The following KCNMA1 variants were observed in gnomAD, a reference collection of about 807,000 sequenced individuals.
KCNMA1 encodes the protein potassium calcium-activated channel subfamily M alpha 1.
In KCNMA1, 29 loss-of-function variants were observed where a neutral mutation model predicts 140.0. The observed-to-expected ratio is 0.21, with a 90% CI of 0.15 to 0.28. The LOEUF (loss-of-function observed/expected upper bound fraction) is 0.28, where lower values mean the gene tolerates loss of function less well. Among genes scored for constraint, KCNMA1 ranks in the 10% least tolerant of loss-of-function variants. The pLI, the probability that KCNMA1 is intolerant of heterozygous loss-of-function variation, is 1.00. For missense variants in KCNMA1, 880 were observed against 1,602.2 expected (o/e 0.55, Z 7.70); for synonymous variants, 612 against 611.9 (o/e 1.00, Z 0.00).
chr10:77,302,485 C>T (rs1168855834), intron 2 of KCNMA1, among the ~76,000 whole-genome samples: 1 of 152,142 alleles, frequency 6.6e-6, no homozygotes, highest in Non-Finnish European at 1.5e-5. Context: ...CTGACTACTC[C>T]GGTGCAGATC....
chr10:77,589,121 C>T (rs1257338494), intron 1 of KCNMA1, among the ~76,000 whole-genome samples: 1 of 152,176 alleles, frequency 6.6e-6, no homozygotes, highest in Non-Finnish European at 1.5e-5. Flanking sequence ...CCGGATTCGA[C>T]CTGTAATGTA....
intron 2 of KCNMA1, among the ~76,000 whole-genome samples, chr10:77,371,812 C>T (rs1393079293): frequency 6.6e-6 from 1 of 152,214 alleles, no homozygotes; most frequent in Admixed American, 6.5e-5. Flanking sequence ...AATCTCTCTG[C>T]TTCTAGGCTC....
intron 24 of KCNMA1, chr10:76,913,992 T>G: frequency 8.2e-7 from 1 of 1,217,462 alleles, no homozygotes; most frequent in Non-Finnish European, 1.2e-6. Context: ...AAGCTGATGA[T>G]AGTTGGAAAC....
intron 25 of KCNMA1, among the ~76,000 whole-genome samples, chr10:76,895,191 C>T (rs547175422): frequency 3.3e-4 from 50 of 152,282 alleles, no homozygotes; most frequent in Admixed American, 2.2e-3. Context: ...CCCTCTCACA[C>T]GCACCCCCTT....
intron 2 of KCNMA1, chr10:77,309,771 C>CA (rs2078770669): frequency 6.6e-6 from 1 of 152,242 alleles, no homozygotes; most frequent in African/African-American, 2.4e-5. Context: ...GAAGTATAGG[C>CA]AGAGAGTCAG....
At chr10:77,082,193 T>C (rs1307382654) in intron 12 of KCNMA1, among the ~76,000 whole-genome samples, 1 of 151,634 alleles carries the variant, frequency 6.6e-6, no homozygotes, top group Non-Finnish European at 1.5e-5. Flanking sequence ...CACACCCAGC[T>C]AAGTTTTGTA....
chr10:76,934,226 C>T (rs1000932671), intron 23 of KCNMA1, among the ~76,000 whole-genome samples: 4 of 152,184 alleles, frequency 2.6e-5, no homozygotes, highest in Admixed American at 6.5e-5. Context: ...CCTGCTTCGG[C>T]CCCCCAGTGT....
At chr10:77,432,755 A>T (rs2097179028) in intron 1 of KCNMA1, among the ~76,000 whole-genome samples, 1 of 152,318 alleles carries the variant, frequency 6.6e-6, no homozygotes, top group Middle Eastern at 3.4e-3. Context: ...CTCAAAAAAA[A>T]CAACAACAAA....
Position 77,108,318 on chromosome 10 carries a change from G to A in KCNMA1, c.1223+163C>T, listed in dbSNP as rs77918194. 260 of 1,530,664 alleles carry A rather than the reference G, an allele frequency of 1.7e-4. 1 individual carries two copies. In the African/African-American group the frequency reaches 3.2e-3, roughly 19 times the overall value. 94.8% of individuals were successfully genotyped at this position (1,530,664 alleles called of 1,614,324 possible). A position where few individuals can be genotyped will look rare whatever the true frequency, so the allele number is the denominator to read the frequency against. On this transcript the variant is annotated intron_variant, in intron 9 of 27. Coordinates refer to ENST00000286628, the MANE Select transcript of KCNMA1 (RefSeq NM_001161352.2). This position sits in a 1 kb window ranked among gnomAD's most constrained non-coding sequence, Gnocchi z 4.6. ...CTCCATGTTTGTTAAAAGTCCCGCCGAATTTATTCCGACTCAGGATGAGAG... is the reference window on the plus strand; with the variant it reads ...CTCCATGTTTGTTAAAAGTCCCGCCAAATTTATTCCGACTCAGGATGAGAG...
intron 1 of KCNMA1, among the ~76,000 whole-genome samples, chr10:77,415,620 A>G (rs2096723865): frequency 6.6e-6 from 1 of 152,284 alleles, no homozygotes; most frequent in Non-Finnish European, 1.5e-5. Context: ...AAAAGAATGC[A>G]GAAATCTTCG....
downstream of KCNMA1, chr10:76,884,517 G>C (rs2035968637): frequency 6.7e-6 from 1 of 149,898 alleles, no homozygotes; most frequent in Non-Finnish European, 1.4e-5. Flanking sequence ...GGATTGGGGG[G>C]TGGCAATGGG....
chr10:76,962,981 G>A (rs2072312155), intron 20 of KCNMA1, among the ~76,000 whole-genome samples: 1 of 152,150 alleles, frequency 6.6e-6, no homozygotes, highest in Admixed American at 6.5e-5. Flanking sequence ...TATGAATTAG[G>A]ACACAGAGCA....
chr10:77,441,414 G>A (rs541904174), intron 1 of KCNMA1, among the ~76,000 whole-genome samples: 2 of 152,172 alleles, frequency 1.3e-5, no homozygotes, highest in East Asian at 3.9e-4. Flanking sequence ...AGAAGTTAAG[G>A]TCATGATACT....
At chr10:76,877,279 A>G (rs2032569203), downstream of KCNMA1, 1 of 155,420 alleles carries the variant, frequency 6.4e-6, no homozygotes, top group Non-Finnish European at 1.4e-5. Flanking sequence ...ATCATTGGCC[A>G]TTTTAAAATT....
At chr10:77,139,846 C>T (rs1173956075) in intron 5 of KCNMA1, among the ~76,000 whole-genome samples, 1 of 152,034 alleles carries the variant, frequency 6.6e-6, no homozygotes, top group Admixed American at 6.5e-5. Context: ...AGACCACGCT[C>T]CCATGGTCAA....
intron 3 of KCNMA1, among the ~76,000 whole-genome samples, chr10:77,199,136 A>C (rs186256573): frequency 2.7e-3 from 412 of 152,290 alleles, no homozygotes; most frequent in Non-Finnish European, 4.9e-3. Context: ...ACTTGATCAC[A>C]ATTTATTCTC....
intron 23 of KCNMA1, among the ~76,000 whole-genome samples, chr10:76,941,475 T>C (rs988590866): frequency 1.3e-5 from 2 of 152,122 alleles, no homozygotes; most frequent in African/African-American, 4.8e-5. Flanking sequence ...GAAGGAGCGA[T>C]TTCTCTGTGT....
intron 1 of KCNMA1, among the ~76,000 whole-genome samples, chr10:77,469,106 G>A (rs2154527617): frequency 6.6e-6 from 1 of 152,254 alleles, no homozygotes; most frequent in Non-Finnish European, 1.5e-5. Flanking sequence ...TTTTGCTCTA[G>A]CCATGTACTT....
At chr10:76,946,688 G>A (rs922420691) in intron 22 of KCNMA1, among the ~76,000 whole-genome samples, 4 of 152,142 alleles carry the variant, frequency 2.6e-5, no homozygotes, top group Non-Finnish European at 5.9e-5. Flanking sequence ...CCAACTTCCT[G>A]AATCATTTTG....
Sources: allele counts gnomAD v4.1 joint callset (sites outside exome capture counted in the v4.1 genomes callset), GRCh38; gene constraint gnomAD v4.1.1; non-coding constraint Gnocchi (gnomAD v3.1); transcripts MANE v1.5; gene names NCBI Gene and HGNC (gene_info 2026-07-23, HGNC 2026-07-21).